The following CEP128 variants were observed in gnomAD, a reference collection of about 807,000 sequenced individuals.
The protein encoded by CEP128 is centrosomal protein 128.
A neutral mutation model predicts 156.7 loss-of-function variants in CEP128; 132 were observed. That is an observed-to-expected ratio of 0.84 (90% confidence interval 0.73 to 0.97). The LOEUF (loss-of-function observed/expected upper bound fraction) is 0.97, where lower values mean the gene tolerates loss of function less well. Among genes scored for constraint, CEP128 ranks in the 50% least tolerant of loss-of-function variants. The pLI, the probability that CEP128 is intolerant of heterozygous loss-of-function variation, is 0.00. For missense variants in CEP128, 1,252 were observed against 1,281.9 expected, an observed-to-expected ratio of 0.98 and a Z score of 0.36; for synonymous variants, 469 against 448.9, an observed-to-expected ratio of 1.04 and a Z score of -0.57.
At chr14:80,777,015 A>G (rs375336677) in intron 16 of CEP128, among the ~76,000 whole-genome samples, 26 of 152,304 alleles carry the variant, frequency 1.7e-4, no homozygotes, top group South Asian at 1.4e-3. Context: ...GGGATGTACC[A>G]AAGTTACAAC....
intron 19 of CEP128, among the ~76,000 whole-genome samples, chr14:80,705,845 G>A (rs999997626): frequency 3.2e-4 from 48 of 152,046 alleles, no homozygotes; most frequent in Non-Finnish European, 1.0e-4. Context: ...ATTCTCAGAC[G>A]AATCAATTTT....
At chr14:80,608,665 C>T (rs1487387196) in intron 19 of CEP128, among the ~76,000 whole-genome samples, 2 of 152,132 alleles carry the variant, frequency 1.3e-5, no homozygotes, top group East Asian at 3.8e-4. Context: ...CTCTCTTGAA[C>T]CTCTAAATCT....
At chr14:80,758,477 G>A (rs147740158) in intron 17 of CEP128, among the ~76,000 whole-genome samples, 120 of 150,760 alleles carry the variant, frequency 8.0e-4, no homozygotes, top group Non-Finnish European at 1.4e-3. Flanking sequence ...AGCAGAGATC[G>A]TGCCATTGCA....
intron 21 of CEP128, among the ~76,000 whole-genome samples, chr14:80,539,291 C>T (rs1472311141): frequency 2.6e-5 from 4 of 152,152 alleles, no homozygotes; most frequent in Non-Finnish European, 4.4e-5. Flanking sequence ...TCTGTGACAG[C>T]CTCTCTGATG....
At chr14:80,882,003 G>A (rs1035110096) in intron 8 of CEP128, among the ~76,000 whole-genome samples, 1 of 152,004 alleles carries the variant, frequency 6.6e-6, no homozygotes, top group Non-Finnish European at 1.5e-5. Flanking sequence ...AGCACTAGAA[G>A]TCCTAGCTAG....
At chr14:80,796,240 C>T (rs887785271) in intron 13 of CEP128, among the ~76,000 whole-genome samples, 3 of 152,160 alleles carry the variant, frequency 2.0e-5, no homozygotes, top group Non-Finnish European at 4.4e-5. Context: ...GGGCGGATCA[C>T]TTGAGCCCAG....
intron 2 of CEP128, among the ~76,000 whole-genome samples, chr14:80,929,641 CACTT>C (rs376733344): frequency 1.3e-5 from 2 of 152,240 alleles, no homozygotes; most frequent in African/African-American, 4.8e-5. Flanking sequence ...TTCATGTTCT[CACTT>C]ACAAGTGGGA....
chr14:80,934,707 T>C (rs2139602030), intron 2 of CEP128, among the ~76,000 whole-genome samples: 1 of 152,318 alleles, frequency 6.6e-6, no homozygotes, highest in African/African-American at 2.4e-5. Context: ...ACGCTCCCAG[T>C]AGTTAAGTAG....
At chr14:80,913,111 G>A (rs1462789310) in intron 4 of CEP128, among the ~76,000 whole-genome samples, 1 of 152,106 alleles carries the variant, frequency 6.6e-6, no homozygotes, top group Admixed American at 6.5e-5. Flanking sequence ...CCCATGTAAA[G>A]TAAGTATAAA....
At chr14:80,552,972 T>C (rs1231910536) in intron 21 of CEP128, among the ~76,000 whole-genome samples, 1 of 152,128 alleles carries the variant, frequency 6.6e-6, no homozygotes, top group Non-Finnish European at 1.5e-5. Flanking sequence ...CTTTTTTTTC[T>C]CTTCAGAAAT....
At chr14:80,670,366 A>C (rs901340983) in intron 19 of CEP128, among the ~76,000 whole-genome samples, 2 of 152,146 alleles carry the variant, frequency 1.3e-5, no homozygotes, top group African/African-American at 4.8e-5. Flanking sequence ...AGACACAGTG[A>C]TCTGTCTGTC....
At chr14:80,698,521 A>G (rs939557814) in intron 19 of CEP128, among the ~76,000 whole-genome samples, 2 of 152,166 alleles carry the variant, frequency 1.3e-5, no homozygotes, top group Non-Finnish European at 2.9e-5. Flanking sequence ...AACTTACCCT[A>G]TAGTATGCAG....
At chr14:80,877,588 A>C (rs527695891) in intron 8 of CEP128, among the ~76,000 whole-genome samples, 1 of 152,346 alleles carries the variant, frequency 6.6e-6, no homozygotes, top group Admixed American at 6.5e-5. Flanking sequence ...ACAGGAGAGC[A>C]ATGAGAACAG....
upstream of CEP128, chr14:80,945,653 C>A (rs7158944): frequency 6.6e-6 from 1 of 152,226 alleles, no homozygotes; most frequent in East Asian, 1.9e-4. Flanking sequence ...TTAAAATGGG[C>A]ACTCAAGCTC....
At chr14:80,599,057 T>G (rs762932252) in intron 19 of CEP128, among the ~76,000 whole-genome samples, 14 of 152,288 alleles carry the variant, frequency 9.2e-5, no homozygotes, top group South Asian at 4.1e-4. Context: ...TTATGTATTA[T>G]ACGATCTCTC....
In CEP128 at chr14:80,859,187, C is replaced by T. The variant is rs1258304925; in HGVS notation, c.762+3570G>A. Among the ~76,000 whole-genome samples, 5 of 149,948 alleles carry T rather than the reference C, an allele frequency of 3.3e-5. No homozygotes were observed. In the East Asian group the frequency reaches 5.9e-4, roughly 18 times the overall value. Reference sequence around the variant, plus strand: ...GACAGACTGGATTAAGAAAATGTGGCACATATACACCATGGAATACTATGC... The same window carrying T: ...GACAGACTGGATTAAGAAAATGTGGTACATATACACCATGGAATACTATGC... On this transcript the variant is annotated intron_variant, in intron 9 of 24. Coordinates refer to ENST00000555265, the MANE Select transcript of CEP128 (RefSeq NM_152446.5).
chr14:80,905,703 T>G lies in CEP128; in HGVS notation c.361+252A>C, dbSNP rs61981269. Reference sequence around the variant, plus strand: ...GTTTTGATTCTTTGGCAGCAGACAATTAAATCTAAGTTTTTGTCAGGTAAA... The same window carrying G: ...GTTTTGATTCTTTGGCAGCAGACAAGTAAATCTAAGTTTTTGTCAGGTAAA... On this transcript the variant is annotated intron_variant, in intron 5 of 24. Coordinates refer to ENST00000555265, the MANE Select transcript of CEP128 (RefSeq NM_152446.5). 3.4e-3 allele frequency: 1,091 copies of G among 319,158 alleles called. 4 individuals carry two copies. Among genetic ancestry groups the G allele is most frequent in the Non-Finnish European group, 5.4e-3 (944 of 175,724 alleles). The allele number at this position is 319,158 out of a possible 1,614,324, so 19.8% of individuals were successfully genotyped here. A position where few individuals can be genotyped will look rare whatever the true frequency, so the allele number is the denominator to read the frequency against.
At chr14:80,801,996 C>A (rs889958918) in intron 13 of CEP128, among the ~76,000 whole-genome samples, 4 of 146,508 alleles carry the variant, frequency 2.7e-5, no homozygotes, top group African/African-American at 9.9e-5. Context: ...GATACCATCT[C>A]ATGCTAGTCA....
At chr14:80,853,256 T>C (rs1886983399) in intron 9 of CEP128, among the ~76,000 whole-genome samples, 1 of 151,964 alleles carries the variant, frequency 6.6e-6, no homozygotes, top group South Asian at 2.1e-4. Flanking sequence ...ATTCTTGCTA[T>C]CTTTGCTTCC....
Sources: gnomAD v4.1 joint callset for allele counts (sites outside exome capture counted in the v4.1 genomes callset) on GRCh38, gnomAD v4.1.1 for gene constraint, MANE v1.5 for transcripts, NCBI Gene and HGNC (gene_info 2026-07-23, HGNC 2026-07-21) for gene names.